MGAT4C: variants seen among roughly 807,000 people sequenced by gnomAD.
The protein encoded by MGAT4C is MGAT4 family member C, also known as alpha-1,3-mannosyl-glycoprotein 4-beta-N-acetylglucosaminyltransferase C.
MGAT4C carries 19 observed loss-of-function variants against 40.1 expected under a neutral mutation model. The observed-to-expected ratio is 0.47, with a 90% CI of 0.33 to 0.70. The LOEUF (loss-of-function observed/expected upper bound fraction) is 0.70. Among genes scored for constraint, MGAT4C ranks in the 30% least tolerant of loss-of-function variants. MGAT4C has a pLI of 0.02. For missense variants in MGAT4C, 491 were observed against 563.2 expected (o/e 0.87, Z 1.30); for synonymous variants, 181 against 187.1 (o/e 0.97, Z 0.27).
chr12:86,642,793 GTA>G (rs924190813), intron 2 of MGAT4C, among the ~76,000 whole-genome samples: 98 of 151,040 alleles, frequency 6.5e-4, no homozygotes, highest in African/African-American at 2.3e-3. Context: ...CATTTTATAT[GTA>G]TATATATATT....
At chr12:86,249,190 C>G (rs1402706430) in intron 1 of MGAT4C, among the ~76,000 whole-genome samples, 4 of 152,076 alleles carry the variant, frequency 2.6e-5, no homozygotes, top group Admixed American at 2.6e-4. Flanking sequence ...ACTTCCTATC[C>G]CTAGTTCATG....
chr12:86,815,294 C>T (rs775746931), intron 1 of MGAT4C, among the ~76,000 whole-genome samples: 1 of 151,888 alleles, frequency 6.6e-6, no homozygotes, highest in Non-Finnish European at 1.5e-5. Flanking sequence ...AACCACAACG[C>T]AATACCGCCT....
At chr12:86,527,913 C>A (rs572126907) in intron 2 of MGAT4C, among the ~76,000 whole-genome samples, 1 of 151,980 alleles carries the variant, frequency 6.6e-6, no homozygotes, top group South Asian at 2.1e-4. Flanking sequence ...CTGGTGGTTA[C>A]AAGGCTGAAA....
At chr12:85,997,568 G>C (rs1012319960) in intron 2 of MGAT4C, among the ~76,000 whole-genome samples, 1 of 152,104 alleles carries the variant, frequency 6.6e-6, no homozygotes, top group African/African-American at 2.4e-5. Flanking sequence ...ACAGGCATTG[G>C]GTAAATACAG....
chr12:86,765,450 T>C (rs906144315), intron 1 of MGAT4C, among the ~76,000 whole-genome samples: 2 of 152,126 alleles, frequency 1.3e-5, no homozygotes, highest in Non-Finnish European at 1.5e-5. Flanking sequence ...CTGCAGGATA[T>C]TATCCAGGAG....
At chr12:86,612,672 G>T (rs180768466) in intron 2 of MGAT4C, among the ~76,000 whole-genome samples, 1 of 147,320 alleles carries the variant, frequency 6.8e-6, no homozygotes, top group Non-Finnish European at 1.5e-5. Context: ...TCCGGGAAGC[G>T]AAGGCTGCAG....
intron 2 of MGAT4C, among the ~76,000 whole-genome samples, chr12:86,496,182 G>A (rs935153219): frequency 1.3e-5 from 2 of 151,984 alleles, no homozygotes; most frequent in Non-Finnish European, 2.9e-5. Context: ...GGGACCTATA[G>A]AGTGATAAAG....
chr12:86,152,266 A>G (rs185847416), intron 1 of MGAT4C, among the ~76,000 whole-genome samples: 1 of 152,290 alleles, frequency 6.6e-6, no homozygotes, highest in East Asian at 1.9e-4. Flanking sequence ...ACTTCTCACA[A>G]TTCTGGAGGC....
At chr12:86,231,413 T>C (rs1951319381) in intron 1 of MGAT4C, among the ~76,000 whole-genome samples, 1 of 152,208 alleles carries the variant, frequency 6.6e-6, no homozygotes, top group African/African-American at 2.4e-5. Flanking sequence ...TCTGCCTTTC[T>C]AATCATCTGC....
chr12:86,178,180 C>T (rs1887699783), intron 1 of MGAT4C, among the ~76,000 whole-genome samples: 1 of 152,176 alleles, frequency 6.6e-6, no homozygotes, highest in Non-Finnish European at 1.5e-5. Flanking sequence ...TTGTGATCCG[C>T]CCGCCTTGGC....
In MGAT4C at chr12:86,409,285, G is replaced by A. The variant is rs111372894; in HGVS notation, c.-120+25872C>T. 5.8e-3 allele frequency among the ~76,000 whole-genome samples: 882 copies of A among 152,190 alleles called. 7 individuals are homozygous for A. Among genetic ancestry groups the A allele is most frequent in the African/African-American group, 0.02 (846 of 41,540 alleles). ...GTGCTGAAAATAGTAATAATAAGAA[G>A]AATAATAGTATTCCACAATTAAAGC... On this transcript the variant is annotated intron_variant, in intron 3 of 7. Coordinates refer to the MGAT4C transcript ENST00000548651.
chr12:86,045,028 A>T (rs1892249606), intron 2 of MGAT4C, among the ~76,000 whole-genome samples: 1 of 151,986 alleles, frequency 6.6e-6, no homozygotes, highest in African/African-American at 2.4e-5. Context: ...GTTGTGGTGC[A>T]TGGTAGTCCC....
intron 1 of MGAT4C, among the ~76,000 whole-genome samples, chr12:86,778,746 G>A (rs1268151860): frequency 2.0e-5 from 3 of 152,122 alleles, no homozygotes; most frequent in Non-Finnish European, 4.4e-5. Context: ...TGCATAGAAT[G>A]CAGTGAATTC....
Position 86,607,288 on chromosome 12 carries a change from A to AAT in MGAT4C, c.-229+119919_-229+119920dup, listed in dbSNP as rs1962075793. On this transcript the variant is annotated intron_variant, in intron 2 of 7. Transcript: ENST00000548651. ...CATTTATTATTAACTTATTAATACT[A>AAT]ATATTTGACCCATGAGTTAGACAGT... Among the ~76,000 whole-genome samples, 3 of 152,216 alleles carry AAT rather than the reference A, an allele frequency of 2.0e-5. No individual in the cohort carries two copies. The South Asian group carries it at 6.2e-4, about 32-fold the overall frequency.
chr12:86,339,981 C>A (rs1954875200), intron 3 of MGAT4C, among the ~76,000 whole-genome samples: 1 of 152,140 alleles, frequency 6.6e-6, no homozygotes. Context: ...GATATTGCAA[C>A]TTCTCCTCTG....
intron 2 of MGAT4C, among the ~76,000 whole-genome samples, chr12:86,677,839 C>A (rs1433462340): frequency 6.6e-6 from 1 of 151,978 alleles, no homozygotes; most frequent in Non-Finnish European, 1.5e-5. Flanking sequence ...TTCAATTAAC[C>A]TTTCTTCATA....
At chr12:86,487,728 T>C (rs183960614) in intron 2 of MGAT4C, among the ~76,000 whole-genome samples, 24 of 152,304 alleles carry the variant, frequency 1.6e-4, no homozygotes, top group Admixed American at 8.5e-4. Flanking sequence ...TGAAGAAAAT[T>C]AAGCTTCCAA....
At chr12:86,148,550 C>T (rs1883856122) in intron 1 of MGAT4C, among the ~76,000 whole-genome samples, 1 of 152,084 alleles carries the variant, frequency 6.6e-6, no homozygotes, top group African/African-American at 2.4e-5. Flanking sequence ...TTTTCTCATG[C>T]CAATTATTGC....
intron 1 of MGAT4C, among the ~76,000 whole-genome samples, chr12:86,235,599 T>A (rs1202575043): frequency 1.3e-5 from 2 of 152,050 alleles, no homozygotes; most frequent in Non-Finnish European, 2.9e-5. Flanking sequence ...TCTCTCTATC[T>A]CTGAGTGTTT....
Sources: gnomAD v4.1 joint callset for allele counts (sites outside exome capture counted in the v4.1 genomes callset) on GRCh38, gnomAD v4.1.1 for gene constraint, MANE v1.5 for transcripts, NCBI Gene and HGNC (gene_info 2026-07-23, HGNC 2026-07-21) for gene names.